The following CLSTN2 variants were observed in gnomAD, a reference collection of about 807,000 sequenced individuals.
The protein encoded by CLSTN2 is calsyntenin-2.
Under a neutral mutation model 101.2 loss-of-function variants are expected in CLSTN2, and 48 were observed. The ratio of observed to expected loss-of-function variants is 0.47; its 90% CI spans 0.38 to 0.60. The LOEUF is 0.60. Ranked by LOEUF, CLSTN2 falls within the 20% of genes least tolerant of loss-of-function variation. The pLI is 0.00. For synonymous variants in CLSTN2, 481 were observed against 463.6 expected (o/e 1.04, Z -0.48); for missense variants, 1,160 against 1,238.2 (o/e 0.94, Z 0.95).
intron 2 of CLSTN2, among the ~76,000 whole-genome samples, chr3:140,279,823 T>A (rs1401385266): frequency 6.6e-6 from 1 of 152,208 alleles, no homozygotes; most frequent in Non-Finnish European, 1.5e-5. Flanking sequence ...AAGATGATGA[T>A]CAGGGAGAAT....
chr3:139,987,540 CA>C (rs1936046223), intron 1 of CLSTN2, among the ~76,000 whole-genome samples: 3 of 152,166 alleles, frequency 2.0e-5, no homozygotes, highest in Admixed American at 2.0e-4. Context: ...AGCTGCCTGC[CA>C]TTATGCCATC....
intron 8 of CLSTN2, among the ~76,000 whole-genome samples, chr3:140,528,783 C>T (rs1935195304): frequency 6.6e-6 from 1 of 152,218 alleles, no homozygotes. Context: ...AAGAATCTCT[C>T]CATTCCCTGG....
At chr3:140,185,613 T>C (rs2107833764) in intron 2 of CLSTN2, among the ~76,000 whole-genome samples, 1 of 151,946 alleles carries the variant, frequency 6.6e-6, no homozygotes, top group African/African-American at 2.4e-5. Flanking sequence ...CTAGCTGGAT[T>C]GAAAAGATCA....
intron 2 of CLSTN2, among the ~76,000 whole-genome samples, chr3:140,246,098 G>T (rs983568161): frequency 6.6e-6 from 1 of 152,188 alleles, no homozygotes; most frequent in Non-Finnish European, 1.5e-5. Flanking sequence ...AATTTATTTT[G>T]CTTTTACTTT....
At chr3:140,143,071 C>T (rs2009727909) in intron 1 of CLSTN2, among the ~76,000 whole-genome samples, 1 of 152,138 alleles carries the variant, frequency 6.6e-6, no homozygotes, top group African/African-American at 2.4e-5. Flanking sequence ...TTGTTGGCTG[C>T]TATGAATTCC....
intron 1 of CLSTN2, among the ~76,000 whole-genome samples, chr3:139,969,173 G>C (rs1458040111): frequency 6.6e-6 from 1 of 152,132 alleles, no homozygotes; most frequent in Non-Finnish European, 1.5e-5. Context: ...AAGGCATGGA[G>C]GTTTAAGTGA....
At chr3:140,163,749 C>T (rs1256515310) in intron 1 of CLSTN2, among the ~76,000 whole-genome samples, 1 of 151,044 alleles carries the variant, frequency 6.6e-6, no homozygotes, top group African/African-American at 2.4e-5. Flanking sequence ...GAACCTGTTC[C>T]CTCATCCATG....
At chr3:140,556,470 T>C (rs776443862) in intron 10 of CLSTN2, 43 bp from the exon 11 acceptor site, 11 of 1,607,940 alleles carry the variant, frequency 6.8e-6, no homozygotes, top group Non-Finnish European at 9.4e-6. Flanking sequence ...ACCATGTACA[T>C]CACTGACCAT....
At chr3:140,159,030 C>G (rs1036472033) in intron 1 of CLSTN2, among the ~76,000 whole-genome samples, 5 of 152,128 alleles carry the variant, frequency 3.3e-5, no homozygotes, top group African/African-American at 1.2e-4. Context: ...AAAATTAACT[C>G]AAATTGGATT....
At chr3:140,334,004 T>A (rs1335023450) in intron 2 of CLSTN2, among the ~76,000 whole-genome samples, 12 of 152,142 alleles carry the variant, frequency 7.9e-5, no homozygotes, top group Non-Finnish European at 1.5e-5. Flanking sequence ...CAGACTGTTG[T>A]TATGGAAAGA....
At chr3:140,263,494 A>T (rs540140581) in intron 2 of CLSTN2, among the ~76,000 whole-genome samples, 26 of 152,274 alleles carry the variant, frequency 1.7e-4, no homozygotes, top group African/African-American at 6.3e-4. Context: ...CTCTAGAAGG[A>T]GGGCCCTAAG....
At chr3:140,543,879 G>A (rs1180034175) in intron 9 of CLSTN2, among the ~76,000 whole-genome samples, 1 of 152,194 alleles carries the variant, frequency 6.6e-6, no homozygotes, top group East Asian at 1.9e-4. Context: ...TGAATGCCAG[G>A]TGATGGCTTC....
chr3:140,025,989 C>T lies in CLSTN2; in HGVS notation c.109+90506C>T, dbSNP rs146336914. Among the ~76,000 whole-genome samples, 373 of 152,258 alleles carry T rather than the reference C, an allele frequency of 2.4e-3. 2 individuals are homozygous for T. The highest frequency in any genetic ancestry group is 6.8e-3 in the African/African-American group (283 of 41,544). ...AGTGAAGGTGATCCCTTGTTCCCTT[C>T]CCTCCTGACAGCCCAGACCCTGCTA... is the stretch of plus-strand genomic sequence containing the variant. On this transcript the variant is annotated intron_variant, in intron 1 of 16. Coordinates refer to ENST00000458420, the MANE Select transcript of CLSTN2 (RefSeq NM_022131.3).
chr3:140,260,290 T>G (rs758162226), intron 2 of CLSTN2, among the ~76,000 whole-genome samples: 2 of 151,936 alleles, frequency 1.3e-5, no homozygotes, highest in Non-Finnish European at 2.9e-5. Context: ...CTTACCTTTT[T>G]CCTGATCTTA....
rs1440557339 is a variant in CLSTN2 at position 140,205,621 on chromosome 3, C to A, written c.232+29548C>A. On this transcript the variant is annotated intron_variant, in intron 2 of 16. Transcript: ENST00000458420. Reference sequence around the variant, plus strand: ...AGTTGTTGTTTGGACCTGACCCGCCCCCCACCCACACACACACACAGCCAC... The same window carrying A: ...AGTTGTTGTTTGGACCTGACCCGCCACCCACCCACACACACACACAGCCAC... 4.0e-5 allele frequency among the ~76,000 whole-genome samples: 4 copies of A among 98,952 alleles called. 1 individual carries two copies. Among genetic ancestry groups the A allele is most frequent in the Non-Finnish European group, 8.4e-5 (4 of 47,568 alleles). 64.9% of individuals were successfully genotyped at this position (98,952 alleles called of 152,430 possible). A position where few individuals can be genotyped will look rare whatever the true frequency, so the allele number is the denominator to read the frequency against.
Position 140,528,745 on chromosome 3 carries a change from C to A in CLSTN2, c.1345-3579C>A, listed in dbSNP as rs528580364. Among the ~76,000 whole-genome samples, 3 of 152,306 alleles carry A rather than the reference C, an allele frequency of 2.0e-5. No individual in the cohort carries two copies. The South Asian group carries it at 6.2e-4, about 32-fold the overall frequency. On this transcript the variant is annotated intron_variant, in intron 8 of 16. Transcript: ENST00000458420. The stretch of plus-strand genomic sequence containing the variant: ...AATATTAACAGTTCTTCAATATCCA[C>A]CCTAAATTCCACCTTCTCCAAGGTG...
Position 140,235,321 on chromosome 3 carries a change from C to G in CLSTN2, c.232+59248C>G, listed in dbSNP as rs546279235. On this transcript the variant is annotated intron_variant, in intron 2 of 16. Transcript: ENST00000458420. Reference sequence around the variant, plus strand: ...GGGGGCCCTAACAGTTCACGCCACCCTTATTACCCTTTCCTTTCCACGAAG... The same window carrying G: ...GGGGGCCCTAACAGTTCACGCCACCGTTATTACCCTTTCCTTTCCACGAAG... Among the ~76,000 whole-genome samples, 12 of 152,244 alleles carry G rather than the reference C, an allele frequency of 7.9e-5. 1 individual carries two copies. Among genetic ancestry groups the G allele is most frequent in the African/African-American group, 2.9e-4 (12 of 41,556 alleles).
chr3:140,514,844 T>C (rs1934886293), intron 8 of CLSTN2, among the ~76,000 whole-genome samples: 1 of 152,118 alleles, frequency 6.6e-6, no homozygotes, highest in African/African-American at 2.4e-5. Flanking sequence ...AGAAGTAAGG[T>C]GGAATTGCAT....
At chr3:140,043,830 T>C (rs1289925378) in intron 1 of CLSTN2, among the ~76,000 whole-genome samples, 1 of 152,040 alleles carries the variant, frequency 6.6e-6, no homozygotes. Context: ...AGATCAGATG[T>C]TTGTAGATGT....
Sources: gnomAD v4.1 joint callset for allele counts (sites outside exome capture counted in the v4.1 genomes callset) on GRCh38, gnomAD v4.1.1 for gene constraint, MANE v1.5 for transcripts, NCBI Gene and HGNC (gene_info 2026-07-23, HGNC 2026-07-21) for gene names.